SOCS7: variants seen among roughly 807,000 people sequenced by gnomAD.
SOCS7 encodes the protein NAP-4.
A neutral mutation model predicts 58.9 loss-of-function variants in SOCS7; 18 were observed. The ratio of observed to expected loss-of-function variants is 0.31; its 90% CI spans 0.21 to 0.45. The LOEUF (loss-of-function observed/expected upper bound fraction) is 0.45, where lower values mean the gene tolerates loss of function less well. Ranked by LOEUF, SOCS7 falls within the 20% of genes least tolerant of loss-of-function variation. The pLI is 1.00. For synonymous variants in SOCS7, 388 were observed against 364.3 expected (o/e 1.06, Z -0.74); for missense variants, 667 against 837.3 (o/e 0.80, Z 2.51).
chr17:38,352,420 A>C lies in SOCS7; in HGVS notation c.368A>C (p.Gln123Pro). ...TWGPAAGLEA[Q>P]LAALGLGQPA... The stretch of plus-strand genomic sequence containing the variant: ...GGCCCGGCGGCTGGACTAGAGGCGC[A>C]GTTGGCGGCTCTGGGGCTCGGGCAG... The change falls in exon 1 of 10, where the codon CAG becomes CCG. Residue 123 changes from glutamine to proline, a missense_variant. By Grantham distance (76) the Gln-to-Pro change is moderately conservative. Coordinates refer to ENST00000612932, the MANE Select transcript of SOCS7 (RefSeq NM_014598.4). The surrounding 1 kb of genome is among the most constrained non-coding windows in gnomAD (Gnocchi z 5.5). The C allele has an allele frequency of 6.9e-7, 1 of 1,448,502 alleles. No individual in the cohort carries two copies. Among genetic ancestry groups the C allele is most frequent in the East Asian group, 2.6e-5 (1 of 38,326 alleles). 89.7% of individuals were successfully genotyped at this position (1,448,502 alleles called of 1,614,324 possible). A position where few individuals can be genotyped will look rare whatever the true frequency, so the allele number is the denominator to read the frequency against.
Position 38,401,278 on chromosome 17 carries a change from A to G in SOCS7, c.*1796A>G, listed in dbSNP as rs1437875847. 1.3e-5 allele frequency: 2 copies of G among 152,126 alleles called. No homozygotes were observed. The highest frequency in any genetic ancestry group is 4.8e-5 in the African/African-American group (2 of 41,424). 9.4% of individuals were successfully genotyped at this position (152,126 alleles called of 1,614,324 possible). A position where few individuals can be genotyped will look rare whatever the true frequency, so the allele number is the denominator to read the frequency against. On this transcript the variant is annotated 3_prime_UTR_variant, in exon 10 of 10. Transcript: ENST00000612932. ...CTCTTCTTTCCTTGGCTTCCATGGTAGTATTATCAACTAAGCAAGATTGTG... is the reference window on the plus strand; with the variant it reads ...CTCTTCTTTCCTTGGCTTCCATGGTGGTATTATCAACTAAGCAAGATTGTG...
chr17:38,352,511 G>C lies in SOCS7; in HGVS notation c.459G>C (p.Pro153=). ...GCCPCPCPPQ[P]PPPQPQPPAA... ...GCCCGTGTCCGTGTCCTCCTCAGCC[G>C]CCCCCTCCGCAGCCCCAGCCGCCTG... is the stretch of plus-strand genomic sequence containing the variant. The change falls in exon 1 of 10, where the codon CCG becomes CCC. Residue 153 remains proline, a synonymous_variant. Transcript: ENST00000612932. The surrounding 1 kb of genome is among the most constrained non-coding windows in gnomAD (Gnocchi z 5.5). The C allele has an allele frequency of 6.5e-7, 1 of 1,543,908 alleles. No individual in the cohort carries two copies.
intron 7 of SOCS7, among the ~76,000 whole-genome samples, chr17:38,381,946 CAAAAAAAAAA>C (rs55949628): frequency 2.3e-4 from 4 of 17,672 alleles, no homozygotes; most frequent in African/African-American, 6.0e-4. Context: ...GACTCTGTCT[CAAAAAAAAAA>C]AAAAAAAAAA....
Position 38,377,853 on chromosome 17 carries a change from ACTT to A in SOCS7, c.1681+14_1681+16del. ...GATCCAGGGTTCCAGGTAAGGCTGT[ACTT>A]CTGTTAATTATTTAACTTAAGTTGG... On this transcript the variant is annotated intron_variant, in intron 7 of 9. Coordinates refer to ENST00000612932, the MANE Select transcript of SOCS7 (RefSeq NM_014598.4). 6.2e-7 allele frequency: 1 copy of A among 1,607,574 alleles called. No individual in the cohort carries two copies. The highest frequency in any genetic ancestry group is 8.5e-7 in the Non-Finnish European group (1 of 1,178,222).
At chr17:38,393,591 C>T (rs765323449) in intron 7 of SOCS7, among the ~76,000 whole-genome samples, 5 of 151,700 alleles carry the variant, frequency 3.3e-5, no homozygotes, top group Non-Finnish European at 7.4e-5. Context: ...GAGTCAAAAT[C>T]GCGCCACTGC....
chr17:38,376,967 C>T (rs116630429), intron 6 of SOCS7, among the ~76,000 whole-genome samples: 1,994 of 152,240 alleles, frequency 0.013, 41 homozygotes, highest in African/African-American at 0.045. Context: ...CAGTATTCAG[C>T]ACAGTAACAT....
chr17:38,381,241 T>A (rs1385910939), intron 7 of SOCS7, among the ~76,000 whole-genome samples: 1 of 152,148 alleles, frequency 6.6e-6, no homozygotes, highest in East Asian at 1.9e-4. Flanking sequence ...CTAAGTGACC[T>A]CTCTTTGAAG....
intron 7 of SOCS7, among the ~76,000 whole-genome samples, chr17:38,395,053 A>T (rs556790289): frequency 6.6e-6 from 1 of 152,306 alleles, no homozygotes; most frequent in South Asian, 2.1e-4. Context: ...CTGTCTCAAA[A>T]AACAAAACAA....
In SOCS7 at chr17:38,351,908, C is replaced by G. The variant is rs941359113; in HGVS notation, c.-145C>G. 6.6e-6 allele frequency among the ~76,000 whole-genome samples: 1 copy of G among 151,124 alleles called. No individual in the cohort carries two copies. Among genetic ancestry groups the G allele is most frequent in the Admixed American group, 6.6e-5 (1 of 15,220 alleles). ...GGGCTCGCGCTGGGCTCCGCGCGCC[C>G]CCCGCCCCCCTCTATGAGGCAGAGG... On this transcript the variant is annotated 5_prime_UTR_variant, in exon 1 of 10. Coordinates refer to ENST00000612932, the MANE Select transcript of SOCS7 (RefSeq NM_014598.4).
intron 7 of SOCS7, among the ~76,000 whole-genome samples, chr17:38,393,773 G>A (rs8065625): frequency 6.6e-6 from 1 of 151,866 alleles, no homozygotes; most frequent in Non-Finnish European, 1.5e-5. Context: ...GGTGGTGGGT[G>A]CCTGTAATCC....
intron 7 of SOCS7, among the ~76,000 whole-genome samples, chr17:38,386,496 T>C (rs561811620): frequency 6.6e-6 from 1 of 152,076 alleles, no homozygotes; most frequent in African/African-American, 2.4e-5. Flanking sequence ...TTGATCCTTT[T>C]AGCAAGATTA....
chr17:38,366,462 G>A (rs370524031), intron 5 of SOCS7, 45 bp downstream of exon 5: 4 of 1,607,556 alleles, frequency 2.5e-6, no homozygotes, highest in African/African-American at 1.3e-5. Flanking sequence ...CCTCCCATTA[G>A]CTAAATTCTG....
At chr17:38,393,849 G>A (rs1421580432) in intron 7 of SOCS7, among the ~76,000 whole-genome samples, 8 of 136,832 alleles carry the variant, frequency 5.8e-5, no homozygotes, top group East Asian at 2.2e-4. Context: ...GTAGTGAGCC[G>A]AGATCGCGCC....
Position 38,366,421 on chromosome 17 carries a change from G to A in SOCS7, c.1383+4G>A, listed in dbSNP as rs587682412. On this transcript the variant is annotated splice_donor_region_variant and intron_variant, in intron 5 of 9. Transcript: ENST00000612932. ...CAGCCTTCGAGAGTTGGAGAAGGTA[G>A]GTGGTACCTAAGGACTGGCAGGTCA... is the stretch of plus-strand genomic sequence containing the variant. The A allele has an allele frequency of 6.2e-7, 1 of 1,614,166 alleles. No individual in the cohort carries two copies. Among genetic ancestry groups the A allele is most frequent in the Non-Finnish European group, 8.5e-7 (1 of 1,180,024 alleles).
chr17:38,380,457 C>T (rs2037986113), intron 7 of SOCS7, among the ~76,000 whole-genome samples: 2 of 151,918 alleles, frequency 1.3e-5, no homozygotes, highest in South Asian at 4.2e-4. Flanking sequence ...GTGGTGAAAC[C>T]TCGCCTCTAC....
intron 7 of SOCS7, among the ~76,000 whole-genome samples, chr17:38,378,621 A>G (rs1313068956): frequency 6.6e-6 from 1 of 152,190 alleles, no homozygotes; most frequent in East Asian, 1.9e-4. Context: ...GCCGAATAGT[A>G]AATACTTTGT....
chr17:38,361,854 CAT>C, intron 2 of SOCS7, 79 bp downstream of exon 2: 1 of 990,346 alleles, frequency 1.0e-6, no homozygotes, highest in Non-Finnish European at 1.5e-6. Context: ...CTTACAGATG[CAT>C]CACAGGGAGC....
Position 38,385,172 on chromosome 17 carries a change from A to C in SOCS7, c.1681+7330A>C, listed in dbSNP as rs113463702. Among the ~76,000 whole-genome samples, 983 of 152,212 alleles carry C rather than the reference A, an allele frequency of 6.5e-3. 13 individuals carry two copies. Among genetic ancestry groups the C allele is most frequent in the African/African-American group, 0.022 (917 of 41,530 alleles). ...CAGCCTCCCAAAGTACTGGGATTAC[A>C]GGTGTGAGCCACCGTGCCCAGCAGC... On this transcript the variant is annotated intron_variant, in intron 7 of 9. Coordinates refer to ENST00000612932, the MANE Select transcript of SOCS7 (RefSeq NM_014598.4).
rs2038281858 is a variant in SOCS7 at position 38,399,007 on chromosome 17, G to GA, written c.*31-504dup. On this transcript the variant is annotated intron_variant, in intron 9 of 9. Coordinates refer to ENST00000612932, the MANE Select transcript of SOCS7 (RefSeq NM_014598.4). ...TGGGAGGCTGAGACAGGAGAATCTT[G>GA]AACCCAGGAAGTGGAGATTGCAGTG... Among the ~76,000 whole-genome samples, 4 of 150,488 alleles carry GA rather than the reference G, an allele frequency of 2.7e-5. No individual in the cohort carries two copies. In the East Asian group the frequency reaches 7.9e-4, roughly 30 times the overall value.
Sources: gnomAD v4.1 joint callset for allele counts (sites outside exome capture counted in the v4.1 genomes callset) on GRCh38, gnomAD v4.1.1 for gene constraint, Gnocchi (gnomAD v3.1) non-coding constraint, MANE v1.5 for transcripts, NCBI Gene and HGNC (gene_info 2026-07-23, HGNC 2026-07-21) for gene names.